The following CASR variants were observed in gnomAD, a reference collection of about 807,000 sequenced individuals.
CASR encodes calcium sensing receptor, also known as extracellular calcium-sensing receptor.
A neutral mutation model predicts 69.1 loss-of-function variants in CASR; 23 were observed. The observed-to-expected ratio is 0.33, with a 90% CI of 0.24 to 0.47. CASR has a LOEUF of 0.47. Among genes scored for constraint, CASR ranks in the 20% least tolerant of loss-of-function variants. The probability of loss-of-function intolerance (pLI) is 1.00; values close to 1 mark genes in which losing one functional copy is unlikely to be tolerated. For synonymous variants in CASR, 541 were observed against 544.7 expected, an observed-to-expected ratio of 0.99 and a Z score of 0.10; for missense variants, 924 against 1,356.1, an observed-to-expected ratio of 0.68 and a Z score of 5.00.
intron 1 of CASR, among the ~76,000 whole-genome samples, chr3:122,210,984 G>A (rs926483149): frequency 6.6e-6 from 1 of 152,274 alleles, no homozygotes; most frequent in Admixed American, 6.5e-5. Flanking sequence ...ACAAGCAATG[G>A]GGAAAGGATT....
chr3:122,254,169 C>T lies in CASR; in HGVS notation c.-21C>T, dbSNP rs200355690. 1 of 1,611,890 alleles carries T rather than the reference C, an allele frequency of 6.2e-7. No individual in the cohort carries two copies. The highest frequency in any genetic ancestry group is 1.1e-5 in the South Asian group (1 of 91,002). On this transcript the variant is annotated 5_prime_UTR_variant, in exon 2 of 7. Transcript: ENST00000639785. ...AAACTCCTAGCTGTCTCATCCCTTG[C>T]CCTGGAGAGACGGCAGAACCATGGC...
chr3:122,209,530 G>A (rs2074041365), intron 1 of CASR, among the ~76,000 whole-genome samples: 1 of 152,192 alleles, frequency 6.6e-6, no homozygotes, highest in Admixed American at 6.5e-5. Context: ...GCTTGTGCAG[G>A]AAAATTTTGC....
rs1477411606 is a variant in CASR, at chr3:122,291,149, T to C, written c.*5958T>C. 5 of 143,706 alleles carry C rather than the reference T, an allele frequency of 3.5e-5. No homozygotes were observed. In the East Asian group the frequency reaches 6.0e-4, roughly 17 times the overall value. 8.9% of individuals were successfully genotyped at this position (143,706 alleles called of 1,614,324 possible). A position where few individuals can be genotyped will look rare whatever the true frequency, so the allele number is the denominator to read the frequency against. On this transcript the variant is annotated 3_prime_UTR_variant, in exon 7 of 7. Coordinates refer to ENST00000639785, the MANE Select transcript of CASR (RefSeq NM_000388.4). ...TATCGTTGTTGGACATTTGGGTTGGTTCCAAGTCTTTGCTATTGTGAATAG... is the reference window on the plus strand; with the variant it reads ...TATCGTTGTTGGACATTTGGGTTGGCTCCAAGTCTTTGCTATTGTGAATAG...
intron 1 of CASR, among the ~76,000 whole-genome samples, chr3:122,235,913 A>G (rs1340747178): frequency 6.6e-6 from 1 of 152,238 alleles, no homozygotes; most frequent in Non-Finnish European, 1.5e-5. Context: ...CGGTCTAGCA[A>G]TGGCTTTCAA....
intron 1 of CASR, among the ~76,000 whole-genome samples, chr3:122,250,900 C>G (rs923640370): frequency 6.6e-6 from 1 of 152,136 alleles, no homozygotes. Context: ...ATGTCTACCC[C>G]CTGGACTGAG....
chr3:122,269,576 C>T (rs1475907040), intron 4 of CASR, among the ~76,000 whole-genome samples: 1 of 152,076 alleles, frequency 6.6e-6, no homozygotes, highest in Non-Finnish European at 1.5e-5. Context: ...CCTTTTTGTA[C>T]ATGTATTTGT....
chr3:122,243,777 A>T (rs1366529629), intron 1 of CASR, among the ~76,000 whole-genome samples: 1 of 152,166 alleles, frequency 6.6e-6, no homozygotes. Context: ...ATGCAACCTA[A>T]GTGTCCATCG....
At chr3:122,281,565 AG>A (rs1225723476) in intron 5 of CASR, among the ~76,000 whole-genome samples, 1 of 152,086 alleles carries the variant, frequency 6.6e-6, no homozygotes, top group African/African-American at 2.4e-5. Context: ...TTTTTTACTA[AG>A]CTTTTATCAA....
At position 122,262,398 on chromosome 3, in the gene CASR, G is replaced by T; in HGVS notation, c.1363G>T (p.Val455Phe). Residue 455 changes from valine to phenylalanine, a missense_variant, in exon 4 of 7, where the codon GTT (valine) becomes TTT (phenylalanine). Coordinates refer to ENST00000639785, the MANE Select transcript of CASR (RefSeq NM_000388.4). ...TNGSCADIKK[V>F]EAWQVLKHLR... The stretch of plus-strand genomic sequence containing the variant: ...TGGCTCCTGTGCAGACATCAAGAAA[G>T]TTGAGGCGTGGCAGGTGCGTCCTTC... 1.9e-6 allele frequency: 3 copies of T among 1,612,948 alleles called. No homozygotes were observed.
Position 122,285,323 on chromosome 3 carries a change from T to C in CASR, c.*132T>C, listed in dbSNP as rs572642965. Reference sequence around the variant, plus strand: ...GACACATCAAATGCCCCGAATTTAGTCACACCATCTTAAATGACAGTGAAT... The same window carrying C: ...GACACATCAAATGCCCCGAATTTAGCCACACCATCTTAAATGACAGTGAAT... On this transcript the variant is annotated 3_prime_UTR_variant, in exon 7 of 7. Transcript: ENST00000639785. 1.3e-6 allele frequency: 1 copy of C among 776,644 alleles called. No homozygotes were observed. Among genetic ancestry groups the C allele is most frequent in the East Asian group, 2.6e-5 (1 of 38,742 alleles). 48.1% of individuals were successfully genotyped at this position (776,644 alleles called of 1,614,324 possible).
At chr3:122,232,948 TA>T (rs1299341928) in intron 1 of CASR, among the ~76,000 whole-genome samples, 5 of 151,846 alleles carry the variant, frequency 3.3e-5, no homozygotes, top group African/African-American at 4.8e-5. Flanking sequence ...AAGACAAAAA[TA>T]AGACCACTCC....
chr3:122,194,118 C>G (rs2073865003), intron 1 of CASR, among the ~76,000 whole-genome samples: 1 of 152,128 alleles, frequency 6.6e-6, no homozygotes, highest in Non-Finnish European at 1.5e-5. Context: ...CTCATTCCTG[C>G]CTCCACTACT....
At chr3:122,279,274 T>C (rs965928545) in intron 5 of CASR, among the ~76,000 whole-genome samples, 1 of 152,180 alleles carries the variant, frequency 6.6e-6, no homozygotes, top group Admixed American at 6.5e-5. Context: ...AGAAATACAG[T>C]TCAGTCTTGT....
intron 4 of CASR, among the ~76,000 whole-genome samples, chr3:122,269,918 T>A (rs2074739294): frequency 6.6e-6 from 1 of 152,140 alleles, no homozygotes; most frequent in Non-Finnish European, 1.5e-5. Flanking sequence ...CTTGGCTCAC[T>A]GCAACCTCCG....
intron 1 of CASR, among the ~76,000 whole-genome samples, chr3:122,197,471 G>A (rs938550220): frequency 4.6e-5 from 7 of 152,212 alleles, no homozygotes; most frequent in Admixed American, 6.5e-5. Context: ...ACCTTTGACC[G>A]ATGTTCGTAT....
At position 122,284,388 on chromosome 3, in the gene CASR, C is replaced by T. The variant is rs1385228926; in HGVS notation, c.2434C>T (p.Leu812Phe). 6.2e-7 allele frequency: 1 copy of T among 1,614,104 alleles called. No homozygotes were observed. The highest frequency in any genetic ancestry group is 8.5e-7 in the Non-Finnish European group (1 of 1,180,012). Residue 812 changes from leucine (L) to phenylalanine (F), a missense_variant, in exon 7 of 7, where the codon CTC becomes TTC. Coordinates refer to ENST00000639785, the MANE Select transcript of CASR (RefSeq NM_000388.4). ...NEAKFITFSM[L>F]IFFIVWISFI... Reference sequence around the variant, plus strand: ...AGCCAAGTTCATCACCTTCAGCATGCTCATCTTCTTCATCGTCTGGATCTC... The same window carrying T: ...AGCCAAGTTCATCACCTTCAGCATGTTCATCTTCTTCATCGTCTGGATCTC...
chr3:122,270,624 T>C (rs966716467), intron 4 of CASR, among the ~76,000 whole-genome samples: 1 of 152,224 alleles, frequency 6.6e-6, no homozygotes, highest in Non-Finnish European at 1.5e-5. Context: ...TTTCTTATAA[T>C]ATAGACATTT....
intron 1 of CASR, among the ~76,000 whole-genome samples, chr3:122,230,670 T>C (rs2074270384): frequency 6.6e-6 from 1 of 152,128 alleles, no homozygotes; most frequent in African/African-American, 2.4e-5. Flanking sequence ...ATCCAGTCTC[T>C]TCCACTGAGG....
At chr3:122,273,413 T>C (rs781601269) in intron 4 of CASR, among the ~76,000 whole-genome samples, 12 of 152,186 alleles carry the variant, frequency 7.9e-5, no homozygotes, top group Non-Finnish European at 1.6e-4. Flanking sequence ...GATTAAATGA[T>C]ATAGTATGTA....
Sources: allele counts gnomAD v4.1 joint callset (sites outside exome capture counted in the v4.1 genomes callset), GRCh38; gene constraint gnomAD v4.1.1; transcripts MANE v1.5; gene names NCBI Gene and HGNC (gene_info 2026-07-23, HGNC 2026-07-21).